MAGI2: variants seen among roughly 807,000 people sequenced by gnomAD.
MAGI2 encodes membrane associated guanylate kinase, WW and PDZ domain containing 2, also known as membrane-associated guanylate kinase, WW and PDZ domain-containing protein 2.
A neutral mutation model predicts 133.3 loss-of-function variants in MAGI2; 35 were observed. The ratio of observed to expected loss-of-function variants is 0.26; its 90% confidence interval spans 0.20 to 0.35. The LOEUF (loss-of-function observed/expected upper bound fraction) is 0.35, where lower values mean the gene tolerates loss of function less well. Ranked by LOEUF, MAGI2 falls within the 10% of genes least tolerant of loss-of-function variation. The pLI is 1.00. For synonymous variants in MAGI2, 729 were observed against 710.6 expected (o/e 1.03, Z -0.41); for missense variants, 1,636 against 1,863.4 (o/e 0.88, Z 2.25).
rs571743071 is a variant in MAGI2, at chr7:79,126,293, G to C, written c.302-119087C>G. Among the ~76,000 whole-genome samples, 10 of 152,224 alleles carry C rather than the reference G, an allele frequency of 6.6e-5. No individual in the cohort carries two copies. In the East Asian group the frequency reaches 1.5e-3, roughly 24 times the overall value. ...CCCAGACTCCTGGTTGTATTCCTTT[G>C]GGAATTCTTTCCCATTTATATGGTT... is the stretch of plus-strand genomic sequence containing the variant. On this transcript the variant is annotated intron_variant, in intron 1 of 21. Coordinates refer to ENST00000354212, the MANE Select transcript of MAGI2 (RefSeq NM_012301.4).
intron 2 of MAGI2, among the ~76,000 whole-genome samples, chr7:78,914,236 C>T (rs191817434): frequency 4.3e-3 from 656 of 152,204 alleles, no homozygotes; most frequent in Non-Finnish European, 7.3e-3. Context: ...ATTCAATAAA[C>T]ATTTAATAAC....
At chr7:78,363,411 C>G (rs945159391) in intron 7 of MAGI2, among the ~76,000 whole-genome samples, 2 of 151,920 alleles carry the variant, frequency 1.3e-5, no homozygotes, top group African/African-American at 4.8e-5. Flanking sequence ...GAGAATGGCG[C>G]GAACCCGGGA....
chr7:78,291,940 G>A (rs1333350461), intron 9 of MAGI2, among the ~76,000 whole-genome samples: 1 of 152,008 alleles, frequency 6.6e-6, no homozygotes, highest in Non-Finnish European at 1.5e-5. Flanking sequence ...TCTCAAAATA[G>A]TAAGAGCTAT....
Position 78,596,345 on chromosome 7 carries a change from G to T in MAGI2, c.538+30775C>A, listed in dbSNP as rs138836517. Among the ~76,000 whole-genome samples the T allele has an allele frequency of 1.2e-3, 183 of 152,230 alleles. 6 individuals carry two copies. In the East Asian group the frequency reaches 0.033, roughly 27 times the overall value. On this transcript the variant is annotated intron_variant, in intron 3 of 21. Coordinates refer to ENST00000354212, the MANE Select transcript of MAGI2 (RefSeq NM_012301.4). ...TGAAGTGTAGTTCCTTTTTATTTAG[G>T]TATTGACTGTCAACCCAGTGGTAGA... is the stretch of plus-strand genomic sequence containing the variant.
chr7:78,967,500 T>C (rs1584527793), intron 2 of MAGI2, among the ~76,000 whole-genome samples: 1 of 152,210 alleles, frequency 6.6e-6, no homozygotes, highest in South Asian at 2.1e-4. Flanking sequence ...TTTGGTGTCA[T>C]ATTCAAGAAA....
At chr7:79,151,959 T>C (rs1449506542) in intron 1 of MAGI2, among the ~76,000 whole-genome samples, 1 of 152,164 alleles carries the variant, frequency 6.6e-6, no homozygotes, top group Non-Finnish European at 1.5e-5. Context: ...TGTCCTCATT[T>C]TGAAATTCAA....
intron 3 of MAGI2, among the ~76,000 whole-genome samples, chr7:78,572,418 G>A (rs563083651): frequency 6.6e-6 from 1 of 152,236 alleles, no homozygotes; most frequent in South Asian, 2.1e-4. Flanking sequence ...AAAGTTCATA[G>A]ATGTGGGGCT....
intron 2 of MAGI2, among the ~76,000 whole-genome samples, chr7:78,919,184 A>G (rs1799037342): frequency 6.6e-6 from 1 of 152,070 alleles, no homozygotes; most frequent in Non-Finnish European, 1.5e-5. Flanking sequence ...TAGTCTTGTT[A>G]AGGATGGGAA....
chr7:78,461,038 C>T (rs924966469), intron 6 of MAGI2, among the ~76,000 whole-genome samples: 1 of 152,020 alleles, frequency 6.6e-6, no homozygotes, highest in African/African-American at 2.4e-5. Flanking sequence ...TTCTTTCTAA[C>T]AACCTTTCTA....
chr7:78,820,700 T>G (rs1790020701), intron 2 of MAGI2, among the ~76,000 whole-genome samples: 3 of 152,066 alleles, frequency 2.0e-5, no homozygotes, highest in Non-Finnish European at 4.4e-5. Context: ...TAGAGGCAAT[T>G]AAAGTCAAAG....
At chr7:78,372,915 A>G (rs1794068229) in intron 6 of MAGI2, among the ~76,000 whole-genome samples, 1 of 152,190 alleles carries the variant, frequency 6.6e-6, no homozygotes, top group Non-Finnish European at 1.5e-5. Context: ...GAAGATATCC[A>G]CATTCTGATA....
intron 3 of MAGI2, among the ~76,000 whole-genome samples, chr7:78,593,397 A>G (rs761199468): frequency 1.3e-5 from 2 of 152,134 alleles, no homozygotes; most frequent in Non-Finnish European, 1.5e-5. Flanking sequence ...GTCTCAAAAA[A>G]AAGCAATTAG....
intron 20 of MAGI2, among the ~76,000 whole-genome samples, chr7:78,089,372 T>TG (rs1450804816): frequency 1.3e-5 from 2 of 152,102 alleles, no homozygotes; most frequent in Non-Finnish European, 2.9e-5. Flanking sequence ...AGAATAAATC[T>TG]GGGGGAGAAG....
At chr7:79,265,058 T>G (rs1834347960) in intron 1 of MAGI2, among the ~76,000 whole-genome samples, 1 of 152,142 alleles carries the variant, frequency 6.6e-6, no homozygotes, top group African/African-American at 2.4e-5. Context: ...ATATGAGGTT[T>G]AGAGCAGACA....
At chr7:79,245,954 A>C (rs1206646065) in intron 1 of MAGI2, among the ~76,000 whole-genome samples, 1 of 152,200 alleles carries the variant, frequency 6.6e-6, no homozygotes, top group Non-Finnish European at 1.5e-5. Context: ...TTTAACAGAA[A>C]GTGAGAGAAG....
At chr7:79,242,036 C>A (rs1489400030) in intron 1 of MAGI2, among the ~76,000 whole-genome samples, 1 of 152,196 alleles carries the variant, frequency 6.6e-6, no homozygotes, top group Non-Finnish European at 1.5e-5. Flanking sequence ...CTCCATCTAC[C>A]ACTTGGCTAG....
At chr7:79,406,328 A>G (rs1845805262) in intron 1 of MAGI2, among the ~76,000 whole-genome samples, 1 of 152,126 alleles carries the variant, frequency 6.6e-6, no homozygotes, top group African/African-American at 2.4e-5. Flanking sequence ...ATGCGGGTGA[A>G]GTGTTAATTT....
At chr7:78,979,018 T>C (rs1017210949) in intron 2 of MAGI2, among the ~76,000 whole-genome samples, 9 of 151,872 alleles carry the variant, frequency 5.9e-5, no homozygotes, top group African/African-American at 2.2e-4. Context: ...TAATAATCCA[T>C]GTAGTAATGG....
At chr7:79,093,188 A>G (rs1394324369) in intron 1 of MAGI2, among the ~76,000 whole-genome samples, 1 of 151,858 alleles carries the variant, frequency 6.6e-6, no homozygotes, top group Non-Finnish European at 1.5e-5. Context: ...AAAAAAAAAA[A>G]GAATGACTCA....
Sources: allele counts gnomAD v4.1 joint callset (sites outside exome capture counted in the v4.1 genomes callset), GRCh38; gene constraint gnomAD v4.1.1; transcripts MANE v1.5; gene names NCBI Gene and HGNC (gene_info 2026-07-23, HGNC 2026-07-21).